The following ADAMTS3 variants were observed in gnomAD, a reference collection of about 807,000 sequenced individuals.
ADAMTS3 encodes A disintegrin and metalloproteinase with thrombospondin motifs 3.
A neutral mutation model predicts 129.0 loss-of-function variants in ADAMTS3; 73 were observed. That is an observed-to-expected ratio of 0.57 (90% CI 0.47 to 0.69). The LOEUF (loss-of-function observed/expected upper bound fraction) is 0.69. ADAMTS3 is among the 30% of genes least tolerant of loss of function. The pLI, the probability that ADAMTS3 is intolerant of heterozygous loss-of-function variation, is 0.00. For missense variants in ADAMTS3, 1,457 were observed against 1,514.5 expected (o/e 0.96, Z 0.63); for synonymous variants, 477 against 510.8 (o/e 0.93, Z 0.89).
chr4:72,415,521 T>C (rs1722281945), intron 3 of ADAMTS3, among the ~76,000 whole-genome samples: 1 of 152,042 alleles, frequency 6.6e-6, no homozygotes, highest in Non-Finnish European at 1.5e-5. Context: ...TCCCCATTTC[T>C]AAAGTTTATT....
intron 4 of ADAMTS3, among the ~76,000 whole-genome samples, chr4:72,362,094 C>T (rs1483868681): frequency 1.3e-5 from 2 of 151,992 alleles, no homozygotes; most frequent in African/African-American, 4.8e-5. Flanking sequence ...TACCCAGGCC[C>T]ATGATTTCTT....
intron 7 of ADAMTS3, 32 bp downstream of exon 7, chr4:72,320,682 C>T (rs1234586405): frequency 1.9e-6 from 3 of 1,604,800 alleles, no homozygotes; most frequent in Admixed American, 3.4e-5. Context: ...GTCATGCCCT[C>T]AAGTATTTCT....
At chr4:72,515,237 G>C (rs1720433909) in intron 3 of ADAMTS3, among the ~76,000 whole-genome samples, 1 of 151,924 alleles carries the variant, frequency 6.6e-6, no homozygotes, top group African/African-American at 2.4e-5. Context: ...CTCTATCATT[G>C]TTGGACATTT....
intron 3 of ADAMTS3, among the ~76,000 whole-genome samples, chr4:72,421,462 T>A (rs1009465043): frequency 6.6e-6 from 1 of 152,086 alleles, no homozygotes; most frequent in African/African-American, 2.4e-5. Context: ...ATGTAAGTTA[T>A]GGACAGGTGA....
chr4:72,508,316 G>C (rs1720218938), intron 3 of ADAMTS3, among the ~76,000 whole-genome samples: 1 of 152,076 alleles, frequency 6.6e-6, no homozygotes, highest in African/African-American at 2.4e-5. Context: ...CTGAATGGAA[G>C]AGTTAAAATG....
intron 4 of ADAMTS3, among the ~76,000 whole-genome samples, chr4:72,411,249 T>C (rs1327802557): frequency 6.6e-6 from 1 of 152,134 alleles, no homozygotes; most frequent in East Asian, 1.9e-4. Context: ...CTTAACAGTT[T>C]CAAAGCTGTG....
intron 10 of ADAMTS3, among the ~76,000 whole-genome samples, chr4:72,318,128 T>A (rs1719449795): frequency 6.6e-6 from 1 of 151,828 alleles, no homozygotes; most frequent in South Asian, 2.1e-4. Flanking sequence ...ACCAGCACAA[T>A]CCTTCCCTAT....
At chr4:72,542,954 A>C (rs1191997190) in intron 3 of ADAMTS3, among the ~76,000 whole-genome samples, 3 of 152,076 alleles carry the variant, frequency 2.0e-5, no homozygotes, top group Non-Finnish European at 4.4e-5. Flanking sequence ...TTTGCTTTTT[A>C]TGGTGTCTTT....
chr4:72,329,326 G>C (rs1297986821), intron 5 of ADAMTS3, among the ~76,000 whole-genome samples: 2 of 152,160 alleles, frequency 1.3e-5, no homozygotes, highest in Admixed American at 1.3e-4. Flanking sequence ...TGGGTAGTTA[G>C]GAAAGGGAGA....
chr4:72,375,161 C>G (rs903099753), intron 4 of ADAMTS3, among the ~76,000 whole-genome samples: 3 of 152,192 alleles, frequency 2.0e-5, no homozygotes, highest in Non-Finnish European at 4.4e-5. Context: ...ATGCGAGGCA[C>G]TGTCTTCCTT....
intron 4 of ADAMTS3, among the ~76,000 whole-genome samples, chr4:72,353,150 A>C (rs971114289): frequency 6.6e-6 from 1 of 151,936 alleles, no homozygotes; most frequent in Non-Finnish European, 1.5e-5. Context: ...CTTTTTGTGT[A>C]CTTGTATTCA....
rs146282003 is a variant in ADAMTS3 at position 72,302,028 on chromosome 4, AC to A, written c.2424+1888del. Reference sequence around the variant, plus strand: ...TGAGCCTGGCACCATGAAAGGCCACACCATGGGAAGAAGGACAACACTGAAA... The same window carrying A: ...TGAGCCTGGCACCATGAAAGGCCACACATGGGAAGAAGGACAACACTGAAA... On this transcript the variant is annotated intron_variant, in intron 17 of 21. Coordinates refer to ENST00000286657, the MANE Select transcript of ADAMTS3 (RefSeq NM_014243.3). Among the ~76,000 whole-genome samples, 552 of 152,166 alleles carry A rather than the reference AC, an allele frequency of 3.6e-3. 7 individuals are homozygous for A. Among genetic ancestry groups the A allele is most frequent in the African/African-American group, 0.013 (528 of 41,514 alleles).
chr4:72,395,673 TACA>T (rs755454408), intron 4 of ADAMTS3, among the ~76,000 whole-genome samples: 2 of 152,186 alleles, frequency 1.3e-5, no homozygotes, highest in Non-Finnish European at 2.9e-5. Context: ...TGCAAACACA[TACA>T]ACAACATTTA....
At chr4:72,520,317 G>T (rs1266922195) in intron 3 of ADAMTS3, among the ~76,000 whole-genome samples, 4 of 152,246 alleles carry the variant, frequency 2.6e-5, no homozygotes, top group African/African-American at 9.6e-5. Flanking sequence ...GAGGCAGTCT[G>T]CTTGTTCTCA....
rs532226942 is a variant in ADAMTS3 at position 72,491,423 on chromosome 4, G to A, written c.504+57055C>T. 2.2e-4 allele frequency among the ~76,000 whole-genome samples: 34 copies of A among 151,794 alleles called. 1 individual carries two copies. In the South Asian group the frequency reaches 7.1e-3, roughly 32 times the overall value. ...AGTTTTTCCTCATTTATTATCATAA[G>A]AGGTATGGGTTTTTCATATATAGAC... On this transcript the variant is annotated intron_variant, in intron 3 of 21. Transcript: ENST00000286657.
intron 17 of ADAMTS3, among the ~76,000 whole-genome samples, chr4:72,299,647 A>G (rs1718901920): frequency 6.6e-6 from 1 of 152,148 alleles, no homozygotes. Context: ...TTGACACTAC[A>G]TGTTACATAA....
chr4:72,306,104 A>G, intron 15 of ADAMTS3, 37 bp from the exon 16 acceptor site: 1 of 1,505,448 alleles, frequency 6.6e-7, no homozygotes, highest in Non-Finnish European at 9.0e-7. Flanking sequence ...GAAGCAAAGA[A>G]GAAAACAAAA....
chr4:72,351,369 A>T (rs1720430941), intron 4 of ADAMTS3, among the ~76,000 whole-genome samples: 1 of 151,938 alleles, frequency 6.6e-6, no homozygotes, highest in Non-Finnish European at 1.5e-5. Flanking sequence ...ATGATTTTCT[A>T]TATACATGTA....
chr4:72,504,845 G>A (rs192936953), intron 3 of ADAMTS3, among the ~76,000 whole-genome samples: 4 of 152,096 alleles, frequency 2.6e-5, no homozygotes, highest in African/African-American at 9.6e-5. Flanking sequence ...CTTCTTCTTG[G>A]TAAAGCTACT....
Sources: allele counts gnomAD v4.1 joint callset (sites outside exome capture counted in the v4.1 genomes callset), GRCh38; gene constraint gnomAD v4.1.1; transcripts MANE v1.5; gene names NCBI Gene and HGNC (gene_info 2026-07-23, HGNC 2026-07-21).